MB21D2: variants seen among roughly 807,000 people sequenced by gnomAD.
MB21D2 encodes the protein nucleotidyltransferase MB21D2.
Under a neutral mutation model 33.3 loss-of-function variants are expected in MB21D2, and 9 were observed. That is an observed-to-expected ratio of 0.27 (90% CI 0.16 to 0.47). The LOEUF (loss-of-function observed/expected upper bound fraction) is 0.47. Ranked by LOEUF, MB21D2 falls within the 20% of genes least tolerant of loss-of-function variation. The pLI, the probability that MB21D2 is intolerant of heterozygous loss-of-function variation, is 0.99. For synonymous variants in MB21D2, 241 were observed against 236.3 expected (o/e 1.02, Z -0.18); for missense variants, 540 against 624.6 (o/e 0.86, Z 1.44).
chr3:192,909,696 C>T (rs1375551136), intron 1 of MB21D2, among the ~76,000 whole-genome samples: 1 of 151,892 alleles, frequency 6.6e-6, no homozygotes, highest in Non-Finnish European at 1.5e-5. Flanking sequence ...TTTGGAAGGC[C>T]GAGGTGGGTG....
At chr3:192,865,416 T>C (rs1483048285) in intron 1 of MB21D2, among the ~76,000 whole-genome samples, 1 of 152,202 alleles carries the variant, frequency 6.6e-6, no homozygotes, top group Non-Finnish European at 1.5e-5. Flanking sequence ...GCTTGTGGGA[T>C]TGTATATTGG....
At chr3:192,804,504 ATTT>A (rs1711622575) in intron 1 of MB21D2, among the ~76,000 whole-genome samples, 1 of 151,974 alleles carries the variant, frequency 6.6e-6, no homozygotes, top group African/African-American at 2.4e-5. Flanking sequence ...AAGAAGTAAA[ATTT>A]TTATGTCTTA....
chr3:192,902,041 AGATAG>A (rs1246788442), intron 1 of MB21D2, among the ~76,000 whole-genome samples: 4 of 152,220 alleles, frequency 2.6e-5, no homozygotes, highest in African/African-American at 9.6e-5. Context: ...AGGAGGCTGT[AGATAG>A]GATGAGATTT....
intron 1 of MB21D2, among the ~76,000 whole-genome samples, chr3:192,836,951 T>C (rs984367595): frequency 1.6e-4 from 24 of 152,100 alleles, no homozygotes; most frequent in Admixed American, 1.6e-3. Flanking sequence ...TTTTTTCTTC[T>C]TAAAAAATGC....
At chr3:192,865,405 G>A (rs946339607) in intron 1 of MB21D2, among the ~76,000 whole-genome samples, 13 of 152,260 alleles carry the variant, frequency 8.5e-5, no homozygotes, top group Admixed American at 2.6e-4. Context: ...CATGTAGAAG[G>A]GCTTGTGGGA....
At chr3:192,909,181 G>A (rs373810852) in intron 1 of MB21D2, among the ~76,000 whole-genome samples, 14 of 151,816 alleles carry the variant, frequency 9.2e-5, no homozygotes, top group East Asian at 5.8e-4. Flanking sequence ...GTGTGAACCC[G>A]GGAGGCGGAG....
chr3:192,808,064 G>A (rs531955452), intron 1 of MB21D2, among the ~76,000 whole-genome samples: 1 of 152,244 alleles, frequency 6.6e-6, no homozygotes, highest in African/African-American at 2.4e-5. Context: ...TCTGCTGGAG[G>A]AAAAGAAGGC....
At chr3:192,860,749 G>A (rs1577186759) in intron 1 of MB21D2, among the ~76,000 whole-genome samples, 1 of 152,172 alleles carries the variant, frequency 6.6e-6, no homozygotes, top group Admixed American at 6.5e-5. Flanking sequence ...TTATGTCCCT[G>A]TCTCAGAGGG....
rs760583487 is a variant in MB21D2 at position 192,798,907 on chromosome 3, T to C, written c.955A>G (p.Lys319Glu). Reference protein sequence around the residue: ...AYQACKAIIIKLLSRPKAISP... With the variant: ...AYQACKAIIIELLSRPKAISP... ...ATAGCCTTGGGCCGGGACAGCAGTT[T>C]AATGATGATGGCTTTGCAGGCCTGA... The change falls in exon 2 of 2, where the codon AAA becomes GAA. Residue 319 changes from lysine to glutamate, a missense_variant. Physicochemically the swap from Lys to Glu is moderately conservative, Grantham distance 56. Transcript: ENST00000392452. This position sits in a 1 kb window ranked among gnomAD's most constrained non-coding sequence, Gnocchi z 4.8. 9 of 1,613,700 alleles carry C rather than the reference T, an allele frequency of 5.6e-6. No individual in the cohort carries two copies.
intron 1 of MB21D2, among the ~76,000 whole-genome samples, chr3:192,851,800 G>A (rs945613016): frequency 7.2e-5 from 11 of 152,088 alleles, no homozygotes; most frequent in Admixed American, 2.0e-4. Context: ...ATGCCTGGCC[G>A]ATTTTTAAAA....
At chr3:192,807,549 C>T (rs372988741) in intron 1 of MB21D2, among the ~76,000 whole-genome samples, 12 of 152,164 alleles carry the variant, frequency 7.9e-5, no homozygotes, top group South Asian at 6.2e-4. Context: ...TCCTTTCTCA[C>T]GTTGAGATGT....
chr3:192,831,332 A>T lies in MB21D2; in HGVS notation c.212-31682T>A, dbSNP rs371472375. On this transcript the variant is annotated intron_variant, in intron 1 of 1. Coordinates refer to ENST00000392452, the MANE Select transcript of MB21D2 (RefSeq NM_178496.4). ...AATTTTAGATGATTTCAGCCCTGCAACCTCATGAGAGACCACAAACCAGAA... is the reference window on the plus strand; with the variant it reads ...AATTTTAGATGATTTCAGCCCTGCATCCTCATGAGAGACCACAAACCAGAA... Among the ~76,000 whole-genome samples, 163 of 152,310 alleles carry T rather than the reference A, an allele frequency of 1.1e-3. 1 individual carries two copies. The highest frequency in any genetic ancestry group is 1.9e-3 in the Non-Finnish European group (126 of 68,020).
chr3:192,814,074 T>C (rs529520122), intron 1 of MB21D2, among the ~76,000 whole-genome samples: 1 of 152,338 alleles, frequency 6.6e-6, no homozygotes, highest in African/African-American at 2.4e-5. Context: ...TAAATGTTAT[T>C]TCAAATACTA....
At chr3:192,911,734 A>T (rs1164730482) in intron 1 of MB21D2, among the ~76,000 whole-genome samples, 1 of 152,178 alleles carries the variant, frequency 6.6e-6, no homozygotes. Context: ...TCTTCTCTCA[A>T]GGACGAAGGG....
intron 1 of MB21D2, among the ~76,000 whole-genome samples, chr3:192,845,825 T>A (rs899681775): frequency 1.3e-5 from 2 of 152,136 alleles, no homozygotes; most frequent in African/African-American, 4.8e-5. Flanking sequence ...ATGCCTATAG[T>A]CCCTGCACTT....
At chr3:192,838,522 G>A (rs979799603) in intron 1 of MB21D2, among the ~76,000 whole-genome samples, 7 of 150,156 alleles carry the variant, frequency 4.7e-5, no homozygotes, top group East Asian at 2.0e-4. Context: ...TCCGCCTCCC[G>A]GGTTCACACC....
chr3:192,877,664 A>G (rs970827727), intron 1 of MB21D2, among the ~76,000 whole-genome samples: 1 of 152,226 alleles, frequency 6.6e-6, no homozygotes, highest in African/African-American at 2.4e-5. Flanking sequence ...TATACTGTAC[A>G]ACATGTATCT....
At chr3:192,853,151 G>C (rs1712843788) in intron 1 of MB21D2, among the ~76,000 whole-genome samples, 1 of 151,950 alleles carries the variant, frequency 6.6e-6, no homozygotes, top group Non-Finnish European at 1.5e-5. Context: ...ATGGACAAAT[G>C]AATGAATGAG....
chr3:192,856,385 C>A (rs55858246), intron 1 of MB21D2, among the ~76,000 whole-genome samples: 4 of 152,302 alleles, frequency 2.6e-5, no homozygotes, highest in Non-Finnish European at 5.9e-5. Flanking sequence ...AAATGAGAAT[C>A]ACAATGCCTA....
Sources: allele counts gnomAD v4.1 joint callset (sites outside exome capture counted in the v4.1 genomes callset), GRCh38; gene constraint gnomAD v4.1.1; non-coding constraint Gnocchi (gnomAD v3.1); transcripts MANE v1.5; gene names NCBI Gene and HGNC (gene_info 2026-07-23, HGNC 2026-07-21).